RASAL2: variants seen among roughly 807,000 people sequenced by gnomAD.
The protein encoded by RASAL2 is ras GTPase-activating protein nGAP.
A neutral mutation model predicts 128.9 loss-of-function variants in RASAL2; 58 were observed. That is an observed-to-expected ratio of 0.45 (90% CI 0.36 to 0.56). The LOEUF (loss-of-function observed/expected upper bound fraction) is 0.56. Ranked by LOEUF, RASAL2 falls within the 20% of genes least tolerant of loss-of-function variation. The pLI, the probability that RASAL2 is intolerant of heterozygous loss-of-function variation, is 0.00. For missense variants in RASAL2, 1,360 were observed against 1,601.6 expected (o/e 0.85, Z 2.57); for synonymous variants, 561 against 580.8 (o/e 0.97, Z 0.49).
At chr1:178,241,230 A>T (rs1480225186) in intron 1 of RASAL2, among the ~76,000 whole-genome samples, 9 of 152,166 alleles carry the variant, frequency 5.9e-5, no homozygotes, top group Non-Finnish European at 1.2e-4. Flanking sequence ...AGATAAGTAC[A>T]CAGAATGTTG....
Position 178,470,550 on chromosome 1 carries a change from C to T in RASAL2, c.3679-2525C>T, listed in dbSNP as rs547075869. 8.3e-5 allele frequency: 42 copies of T among 505,802 alleles called. No homozygotes were observed. The East Asian group carries it at 2.7e-3, about 32-fold the overall frequency. 31.3% of individuals were successfully genotyped at this position (505,802 alleles called of 1,614,324 possible). On this transcript the variant is annotated intron_variant, in intron 17 of 17. Transcript: ENST00000367649. ...ACCAGAGAATGTGCCACCTTTCACC[C>T]CTGAGCATGAGGAGACACTGTGGCT...
chr1:178,447,321 T>TA (rs200857539), intron 9 of RASAL2, among the ~76,000 whole-genome samples: 55 of 149,274 alleles, frequency 3.7e-4, no homozygotes, highest in Non-Finnish European at 5.9e-4. Flanking sequence ...GACCTTGTCT[T>TA]AAAAAAAATA....
At chr1:178,155,462 C>CAA (rs766695092) in intron 1 of RASAL2, among the ~76,000 whole-genome samples, 5 of 96,394 alleles carry the variant, frequency 5.2e-5, no homozygotes, top group South Asian at 3.2e-4. Flanking sequence ...TATAAACCAG[C>CAA]AAAAAAAAAA....
chr1:178,096,081 G>A (rs1443139031), intron 1 of RASAL2, among the ~76,000 whole-genome samples: 1 of 152,186 alleles, frequency 6.6e-6, no homozygotes, highest in Non-Finnish European at 1.5e-5. Context: ...CAGCAAATTA[G>A]ATTAAAAACT....
intron 1 of RASAL2, among the ~76,000 whole-genome samples, chr1:178,271,367 C>G (rs1666250419): frequency 6.6e-6 from 1 of 152,176 alleles, no homozygotes; most frequent in South Asian, 2.1e-4. Flanking sequence ...GTCTCTGTCT[C>G]TCCGTATATA....
chr1:178,243,006 A>G (rs1664588264), intron 1 of RASAL2, among the ~76,000 whole-genome samples: 1 of 151,532 alleles, frequency 6.6e-6, no homozygotes, highest in Non-Finnish European at 1.5e-5. Flanking sequence ...GTCTTTTTTC[A>G]TTCAAGTTGA....
chr1:178,422,412 A>T (rs1014451973), intron 5 of RASAL2, among the ~76,000 whole-genome samples: 6 of 152,138 alleles, frequency 3.9e-5, no homozygotes, highest in African/African-American at 1.2e-4. Flanking sequence ...ACAATAAAAA[A>T]GTGCTAGTAA....
intron 1 of RASAL2, among the ~76,000 whole-genome samples, chr1:178,104,816 A>G (rs765303032): frequency 5.3e-4 from 80 of 152,304 alleles, no homozygotes; most frequent in African/African-American, 1.3e-3. Context: ...TATTAATGGC[A>G]TATTTCCAAG....
intron 3 of RASAL2, among the ~76,000 whole-genome samples, chr1:178,375,235 G>A (rs778924398): frequency 1.8e-4 from 27 of 151,942 alleles, no homozygotes; most frequent in Non-Finnish European, 3.2e-4. Flanking sequence ...TTTCACATCC[G>A]GTGAGCAAAC....
intron 4 of RASAL2, among the ~76,000 whole-genome samples, chr1:178,405,898 T>C (rs1308355371): frequency 6.6e-6 from 1 of 152,220 alleles, no homozygotes; most frequent in Non-Finnish European, 1.5e-5. Flanking sequence ...TTATATAAGA[T>C]AATAACATTA....
rs558228744 is a variant in RASAL2, at chr1:178,390,080, A to C, written c.458-20A>C. The C allele has an allele frequency of 1.2e-5, 19 of 1,545,724 alleles. No individual in the cohort carries two copies. The highest frequency in any genetic ancestry group is 1.7e-5 in the Non-Finnish European group (19 of 1,132,646). On this transcript the variant is annotated intron_variant, in intron 3 of 17. Transcript: ENST00000367649. ...ATTTGGGGTTCTTAATGATGTTTCA[A>C]CTTTCCTCCTTTTTTCCAGAGGTAC...
intron 5 of RASAL2, among the ~76,000 whole-genome samples, chr1:178,428,862 AC>A (rs1233074448): frequency 6.6e-6 from 1 of 152,086 alleles, no homozygotes; most frequent in Non-Finnish European, 1.5e-5. Flanking sequence ...TAGACTACTT[AC>A]TTCTCTCCTC....
At chr1:178,371,552 TG>T (rs1671721587) in intron 3 of RASAL2, among the ~76,000 whole-genome samples, 1 of 151,108 alleles carries the variant, frequency 6.6e-6, no homozygotes, top group South Asian at 2.1e-4. Context: ...CCATGCGAGG[TG>T]GGGGGAGGAA....
rs933506735 is a variant in RASAL2, at chr1:178,465,248, A to T, written c.3388-672A>T. Reference sequence around the variant, plus strand: ...GAAGCAATATTAATTGGCCCTAGAGAACATGTAGGCCTTTGTTTAGTGCTT... The same window carrying T: ...GAAGCAATATTAATTGGCCCTAGAGTACATGTAGGCCTTTGTTTAGTGCTT... On this transcript the variant is annotated intron_variant, in intron 15 of 17. Transcript: ENST00000367649. Among the ~76,000 whole-genome samples, 5 of 152,298 alleles carry T rather than the reference A, an allele frequency of 3.3e-5. No individual in the cohort carries two copies. The South Asian group carries it at 1.0e-3, about 32-fold the overall frequency.
intron 3 of RASAL2, among the ~76,000 whole-genome samples, chr1:178,353,810 G>T (rs1461898517): frequency 6.6e-6 from 1 of 152,114 alleles, no homozygotes; most frequent in Non-Finnish European, 1.5e-5. Context: ...GCCCCTGAGG[G>T]TAGAGAATTA....
intron 1 of RASAL2, among the ~76,000 whole-genome samples, chr1:178,142,170 G>C (rs986158129): frequency 6.6e-6 from 1 of 152,138 alleles, no homozygotes; most frequent in Non-Finnish European, 1.5e-5. Flanking sequence ...CTGTCGCCTG[G>C]ATTTTTGGGT....
chr1:178,296,039 A>ATG (rs777364013), intron 2 of RASAL2, among the ~76,000 whole-genome samples: 1 of 151,626 alleles, frequency 6.6e-6, no homozygotes, highest in South Asian at 2.1e-4. Context: ...ATATGTGTGT[A>ATG]TGTGTGTGTG....
intron 3 of RASAL2, among the ~76,000 whole-genome samples, chr1:178,351,377 C>A (rs1571908555): frequency 6.6e-6 from 1 of 152,264 alleles, no homozygotes; most frequent in Non-Finnish European, 1.5e-5. Context: ...CCCAAAGTAT[C>A]ATCTTAGAGA....
At chr1:178,311,253 A>C (rs80318518) in intron 3 of RASAL2, among the ~76,000 whole-genome samples, 4 of 143,600 alleles carry the variant, frequency 2.8e-5, no homozygotes, top group South Asian at 2.2e-4. Flanking sequence ...CACACACACA[A>C]ACACACACAC....
Sources: allele counts gnomAD v4.1 joint callset (sites outside exome capture counted in the v4.1 genomes callset), GRCh38; gene constraint gnomAD v4.1.1; transcripts MANE v1.5; gene names NCBI Gene and HGNC (gene_info 2026-07-23, HGNC 2026-07-21).